Variants in CMC2 observed in about 807,000 individuals in gnomAD.
The protein encoded by CMC2 is COX assembly mitochondrial protein 2 homolog.
Under a neutral mutation model 7.5 loss-of-function variants are expected in CMC2, and 5 were observed. The observed-to-expected ratio is 0.66, with a 90% CI of 0.35 to 1.40. CMC2 has a LOEUF of 1.40. Among genes scored for constraint, CMC2 ranks in the 40% most tolerant of loss-of-function variants. CMC2 has a pLI of 0.04. For synonymous variants in CMC2, 37 were observed against 31.4 expected (o/e 1.18, Z -0.60); for missense variants, 115 against 92.3 (o/e 1.25, Z -1.01).
chr16:80,976,048 G>A lies in CMC2; in HGVS notation c.*45C>T, dbSNP rs746556209. ...GGATTCTTTCAGGTATCAACCCAGA[G>A]TCTTTAGGTCTTCTCTCAGCCAAGG... On this transcript the variant is annotated 3_prime_UTR_variant, in exon 4 of 4. Coordinates refer to ENST00000219400, the MANE Select transcript of CMC2 (RefSeq NM_020188.5). The A allele has an allele frequency of 3.5e-5, 38 of 1,076,932 alleles. No individual in the cohort carries two copies. In the South Asian group the frequency reaches 4.6e-4, roughly 13 times the overall value. 66.7% of individuals were successfully genotyped at this position (1,076,932 alleles called of 1,614,324 possible). A position where few individuals can be genotyped will look rare whatever the true frequency, so the allele number is the denominator to read the frequency against.
At chr16:80,980,702 C>T (rs8045514) in intron 3 of CMC2, 40,643 of 592,910 alleles carry the variant, frequency 0.069, 2,059 homozygotes, top group East Asian at 0.19. Flanking sequence ...CCAGCCTGGC[C>T]AAAACAGTGA....
rs538733953 is a variant in CMC2 at position 80,996,444 on chromosome 16, G to A, written c.81+870C>T. ...TTTACTTTAAAAATCAAAACGTTAT[G>A]TTTTATTGATGTAGTCTGGCTCATT... On this transcript the variant is annotated intron_variant, in intron 2 of 3. Coordinates refer to ENST00000219400, the MANE Select transcript of CMC2 (RefSeq NM_020188.5). Among the ~76,000 whole-genome samples, 4 of 152,236 alleles carry A rather than the reference G, an allele frequency of 2.6e-5. No individual in the cohort carries two copies. The East Asian group carries it at 7.7e-4, about 29-fold the overall frequency.
intron 1 of CMC2, among the ~76,000 whole-genome samples, chr16:81,001,025 C>T (rs1372159278): frequency 1.3e-5 from 2 of 152,080 alleles, no homozygotes; most frequent in Admixed American, 6.6e-5. Flanking sequence ...TAAAAAAGGA[C>T]GAAATTATGT....
intron 3 of CMC2, 90 bp downstream of exon 3, chr16:80,981,716 G>A (rs947853149): frequency 3.8e-6 from 3 of 780,452 alleles, no homozygotes; most frequent in Non-Finnish European, 6.1e-6. Context: ...CTAAAATGTG[G>A]GAAAAATTCA....
chr16:80,992,705 CTTTT>C (rs71390989), intron 2 of CMC2, among the ~76,000 whole-genome samples: 1 of 92,518 alleles, frequency 1.1e-5, no homozygotes, highest in East Asian at 3.0e-4. Context: ...ATTCCCCCTC[CTTTT>C]TTTTTTTTTT....
intron 2 of CMC2, chr16:80,991,722 T>C (rs1203279727): frequency 3.4e-6 from 1 of 295,298 alleles, no homozygotes; most frequent in African/African-American, 2.2e-5. Context: ...AATTATGTTG[T>C]AGTATGCAGC....
chr16:80,980,076 A>G (rs1760944017), intron 3 of CMC2, among the ~76,000 whole-genome samples: 1 of 152,070 alleles, frequency 6.6e-6, no homozygotes. Context: ...GTGCCACCAC[A>G]CTTGGCTAAA....
intron 2 of CMC2, among the ~76,000 whole-genome samples, chr16:80,996,165 G>C (rs148154569): frequency 6.6e-6 from 1 of 152,138 alleles, no homozygotes; most frequent in Non-Finnish European, 1.5e-5. Context: ...AATATGATGC[G>C]ATAATATCCT....
chr16:80,982,015 A>G, intron 2 of CMC2, 138 bp from the exon 3 acceptor site: 1 of 566,620 alleles, frequency 1.8e-6, no homozygotes, highest in South Asian at 2.5e-5. Context: ...AATCACATGT[A>G]TAAAACACAG....
At chr16:80,996,214 T>TAA (rs1227012686) in intron 2 of CMC2, among the ~76,000 whole-genome samples, 1 of 152,188 alleles carries the variant, frequency 6.6e-6, no homozygotes, top group African/African-American at 2.4e-5. Flanking sequence ...AACATAAATC[T>TAA]AAAGGGCTAT....
intron 3 of CMC2, among the ~76,000 whole-genome samples, chr16:80,978,799 A>G (rs1043551661): frequency 2.6e-5 from 4 of 152,056 alleles, no homozygotes; most frequent in Non-Finnish European, 4.4e-5. Context: ...AGCTTCATGG[A>G]GGCTGGGCGC....
chr16:80,971,411 C>A lies in CMC2; in HGVS notation c.*4682G>T, dbSNP rs1003939459. On this transcript the variant is annotated 3_prime_UTR_variant, in exon 4 of 4. Transcript: ENST00000219400. ...ACAAAATGCTATATAGCAGGCAAAACAAATAAACAAGAACCTCATTTATCA... is the reference window on the plus strand; with the variant it reads ...ACAAAATGCTATATAGCAGGCAAAAAAAATAAACAAGAACCTCATTTATCA... 5 of 149,014 alleles carry A rather than the reference C, an allele frequency of 3.4e-5. No homozygotes were observed. In the South Asian group the frequency reaches 1.1e-3, roughly 31 times the overall value. 9.2% of individuals were successfully genotyped at this position (149,014 alleles called of 1,614,324 possible).
At chr16:81,000,359 G>T (rs1253396002) in intron 1 of CMC2, among the ~76,000 whole-genome samples, 1 of 152,100 alleles carries the variant, frequency 6.6e-6, no homozygotes, top group Non-Finnish European at 1.5e-5. Flanking sequence ...AGCCGGGTGT[G>T]GTGGCGGGCG....
intron 1 of CMC2, among the ~76,000 whole-genome samples, chr16:81,000,774 G>A (rs1968808558): frequency 6.6e-6 from 1 of 152,210 alleles, no homozygotes; most frequent in Admixed American, 6.5e-5. Context: ...CACCCACTGT[G>A]GAAAGCAGTC....
At chr16:81,006,342 C>A (rs1269197815) in intron 1 of CMC2, among the ~76,000 whole-genome samples, 1 of 152,236 alleles carries the variant, frequency 6.6e-6, no homozygotes, top group Non-Finnish European at 1.5e-5. Context: ...ACAACAATAA[C>A]AACACTTTAT....
At chr16:80,996,543 T>C (rs898144388) in intron 2 of CMC2, among the ~76,000 whole-genome samples, 1 of 152,230 alleles carries the variant, frequency 6.6e-6, no homozygotes, top group Non-Finnish European at 1.5e-5. Flanking sequence ...TAAAAATATC[T>C]GACTTCACAT....
chr16:80,991,534 G>A (rs956694954), intron 2 of CMC2, among the ~76,000 whole-genome samples: 6 of 151,868 alleles, frequency 4.0e-5, no homozygotes, highest in Admixed American at 1.3e-4. Context: ...CCAGCTACTC[G>A]GGAGGGTGAG....
chr16:80,989,062 T>C (rs891345090), intron 2 of CMC2, among the ~76,000 whole-genome samples: 2 of 152,194 alleles, frequency 1.3e-5, no homozygotes, highest in Admixed American at 1.3e-4. Context: ...ATTTGTCCCA[T>C]TATTGATGTT....
chr16:80,994,000 T>C (rs755854731), intron 2 of CMC2, among the ~76,000 whole-genome samples: 8 of 152,128 alleles, frequency 5.3e-5, no homozygotes, highest in Non-Finnish European at 1.0e-4. Context: ...AGAAGAGACA[T>C]ATAAATCAGT....
Sources: allele counts gnomAD v4.1 joint callset (sites outside exome capture counted in the v4.1 genomes callset), GRCh38; gene constraint gnomAD v4.1.1; transcripts MANE v1.5; gene names NCBI Gene and HGNC (gene_info 2026-07-23, HGNC 2026-07-21).